The following RAVER1 variants were observed in gnomAD, a reference collection of about 807,000 sequenced individuals.
RAVER1 encodes ribonucleoprotein PTB-binding 1.
RAVER1 carries 36 observed loss-of-function variants against 68.4 expected under a neutral mutation model. The observed-to-expected ratio is 0.53, with a 90% CI of 0.40 to 0.70. The LOEUF (loss-of-function observed/expected upper bound fraction) is 0.70. Ranked by LOEUF, RAVER1 falls within the 30% of genes least tolerant of loss-of-function variation. The pLI is 0.00. For missense variants in RAVER1, 933 were observed against 1,019.8 expected, an observed-to-expected ratio of 0.91 and a Z score of 1.16; for synonymous variants, 469 against 472.7, an observed-to-expected ratio of 0.99 and a Z score of 0.10.
At chr19:10,319,292 C>T in intron 9 of RAVER1, 52 bp from the exon 10 acceptor site, 3 of 1,560,708 alleles carry the variant, frequency 1.9e-6, no homozygotes, top group South Asian at 1.1e-5. Context: ...CCAGCCTCAC[C>T]CCTGGCTGAA....
At position 10,329,208 on chromosome 19, in the gene RAVER1, G is replaced by T; in HGVS notation, c.287-97C>A. The T allele has an allele frequency of 1.3e-6, 1 of 751,792 alleles. No individual in the cohort carries two copies. 46.6% of individuals were successfully genotyped at this position (751,792 alleles called of 1,614,324 possible). The stretch of plus-strand genomic sequence containing the variant: ...AAACCAGGTGGGACCTCCAAATGCT[G>T]GGCATCTCAGGTGCCTGCTGATCTG... On this transcript the variant is annotated intron_variant, in intron 2 of 12. Transcript: ENST00000617231. This position sits in a 1 kb window ranked among gnomAD's most constrained non-coding sequence, Gnocchi z 4.6.
At position 10,316,815 on chromosome 19, in the gene RAVER1, G is replaced by C. The variant is rs2040392628; in HGVS notation, c.*639C>G. 1 of 154,550 alleles carries C rather than the reference G, an allele frequency of 6.5e-6. No homozygotes were observed. Among genetic ancestry groups the C allele is most frequent in the Non-Finnish European group, 1.4e-5 (1 of 69,612 alleles). 9.6% of individuals were successfully genotyped at this position (154,550 alleles called of 1,614,324 possible). A position where few individuals can be genotyped will look rare whatever the true frequency, so the allele number is the denominator to read the frequency against. ...GCCCAGCTTTTAAGGCATCAGAAGG[G>C]GAGGGGGCTGCGGCAGGGACCCCGG... On this transcript the variant is annotated 3_prime_UTR_variant, in exon 13 of 13. Transcript: ENST00000617231.
chr19:10,328,261 G>A lies in RAVER1; in HGVS notation c.756+381C>T, dbSNP rs2040488938. 6.6e-6 allele frequency among the ~76,000 whole-genome samples: 1 copy of A among 152,170 alleles called. No individual in the cohort carries two copies. The highest frequency in any genetic ancestry group is 2.1e-4 in the South Asian group (1 of 4,830). On this transcript the variant is annotated intron_variant, in intron 3 of 12. Coordinates refer to ENST00000617231, the MANE Select transcript of RAVER1 (RefSeq NM_133452.3). The surrounding 1 kb of genome is among the most constrained non-coding windows in gnomAD (Gnocchi z 4.4). ...TAGAGGGACAGTGAGGCCTGAGGCT[G>A]CAGAGGGATTCAAATCCCCTGGCCA...
chr19:10,327,106 A>G (rs1000737969), intron 3 of RAVER1, among the ~76,000 whole-genome samples: 1 of 151,794 alleles, frequency 6.6e-6, no homozygotes, highest in African/African-American at 2.4e-5. Flanking sequence ...GTGTCCCACT[A>G]TCTTGCCCAG....
chr19:10,328,609 C>A lies in RAVER1; in HGVS notation c.756+33G>T, dbSNP rs1029499926. 3 of 1,451,960 alleles carry A rather than the reference C, an allele frequency of 2.1e-6. No homozygotes were observed. Among genetic ancestry groups the A allele is most frequent in the African/African-American group, 2.8e-5 (2 of 70,978 alleles). 89.9% of individuals were successfully genotyped at this position (1,451,960 alleles called of 1,614,324 possible). A position where few individuals can be genotyped will look rare whatever the true frequency, so the allele number is the denominator to read the frequency against. On this transcript the variant is annotated intron_variant, in intron 3 of 12. Transcript: ENST00000617231. The surrounding 1 kb of genome is among the most constrained non-coding windows in gnomAD (Gnocchi z 4.4). ...ACTCTCTCAGGTGCTCCGGGCCTGG[C>A]ACCTGCTCCCCAATGCTCTCCACAG...
rs754064857 is a variant in RAVER1, at chr19:10,321,569, G to A, written c.1223C>T (p.Ala408Val). 7.3e-7 allele frequency: 1 copy of A among 1,378,180 alleles called. No homozygotes were observed. 85.4% of individuals were successfully genotyped at this position (1,378,180 alleles called of 1,614,324 possible). A position where few individuals can be genotyped will look rare whatever the true frequency, so the allele number is the denominator to read the frequency against. The change falls in exon 7 of 13, where the codon GCC becomes GTC. Residue 408 changes from alanine (A) to valine (V), a missense_variant. Physicochemically the swap from Ala to Val is moderately conservative, Grantham distance 64. This residue lies in a region of RAVER1 where 699 missense variants were observed against 731.1 expected (regional missense o/e 0.96). Coordinates refer to ENST00000617231, the MANE Select transcript of RAVER1 (RefSeq NM_133452.3). ...CCCGAGGAGGGGGTTGGCTGGCTGGGCCCCAGGCTGGAGGGCGCCCAGGGG... is the reference window on the plus strand; with the variant it reads ...CCCGAGGAGGGGGTTGGCTGGCTGGACCCCAGGCTGGAGGGCGCCCAGGGG... ...DSPLGALQPG[A>V]QPANPLLGEL...
At chr19:10,326,486 C>T (rs2040475341) in intron 3 of RAVER1, among the ~76,000 whole-genome samples, 1 of 152,228 alleles carries the variant, frequency 6.6e-6, no homozygotes, top group South Asian at 2.1e-4. Flanking sequence ...GCTCTGTCGC[C>T]CAGGCTGGAG....
rs1036462850 is a variant in RAVER1, at chr19:10,322,422, G to A, written c.1173+223C>T. On this transcript the variant is annotated intron_variant, in intron 6 of 12. Coordinates refer to ENST00000617231, the MANE Select transcript of RAVER1 (RefSeq NM_133452.3). The surrounding 1 kb of genome is among the most constrained non-coding windows in gnomAD (Gnocchi z 4.3). ...CACCCCAGGCACCAAGTCCAGGGGC[G>A]CTCTCAGAATGGAGGGAAAGATGGC... is the stretch of plus-strand genomic sequence containing the variant. 1.1e-4 allele frequency: 54 copies of A among 502,858 alleles called. No homozygotes were observed. In the Admixed American group the frequency reaches 1.1e-3, roughly 10 times the overall value. The allele number at this position is 502,858 out of a possible 1,614,324, so 31.1% of individuals were successfully genotyped here.
chr19:10,328,622 A>G lies in RAVER1; in HGVS notation c.756+20T>C, dbSNP rs78083518. The G allele has an allele frequency of 0.038, 57,748 of 1,517,360 alleles. 1,245 individuals are homozygous for G. The highest frequency in any genetic ancestry group is 0.061 in the East Asian group (2,481 of 40,648). 94.0% of individuals were successfully genotyped at this position (1,517,360 alleles called of 1,614,324 possible). ...CTCCGGGCCTGGCACCTGCTCCCCA[A>G]TGCTCTCCACAGGGCTCACCTGGCA... On this transcript the variant is annotated intron_variant, in intron 3 of 12. Coordinates refer to ENST00000617231, the MANE Select transcript of RAVER1 (RefSeq NM_133452.3). This position sits in a 1 kb window ranked among gnomAD's most constrained non-coding sequence, Gnocchi z 4.4.
rs1478862085 is a variant in RAVER1 at position 10,322,539 on chromosome 19, C to T, written c.1173+106G>A. 4 of 819,034 alleles carry T rather than the reference C, an allele frequency of 4.9e-6. No homozygotes were observed. The highest frequency in any genetic ancestry group is 1.9e-5 in the African/African-American group (1 of 53,942). The allele number at this position is 819,034 out of a possible 1,614,324, so 50.7% of individuals were successfully genotyped here. On this transcript the variant is annotated intron_variant, in intron 6 of 12. Transcript: ENST00000617231. This position sits in a 1 kb window ranked among gnomAD's most constrained non-coding sequence, Gnocchi z 4.3. ...GTCGCCCTCACCCTGGTTCTGCGCC[C>T]CCAGGGCACAGCCAGAGGTCCCCCC...
At position 10,317,905 on chromosome 19, in the gene RAVER1, C is replaced by T; in HGVS notation, c.1990-132G>A. On this transcript the variant is annotated intron_variant, in intron 11 of 12. Coordinates refer to ENST00000617231, the MANE Select transcript of RAVER1 (RefSeq NM_133452.3). This position sits in a 1 kb window ranked among gnomAD's most constrained non-coding sequence, Gnocchi z 4.3. ...TCAGGTTCAAATCTTGCTTCTGCTA[C>T]TTTCTAGCTATAAGACCTAGGGCCA... The T allele has an allele frequency of 1.5e-6, 1 of 662,180 alleles. No homozygotes were observed. The highest frequency in any genetic ancestry group is 2.7e-6 in the Non-Finnish European group (1 of 370,870). 41.0% of individuals were successfully genotyped at this position (662,180 alleles called of 1,614,324 possible).
In RAVER1 at chr19:10,333,477, G is replaced by A. The variant is rs1239389378; in HGVS notation, c.31C>T (p.Pro11Ser). 1.9e-6 allele frequency: 3 copies of A among 1,609,640 alleles called. No individual in the cohort carries two copies. The highest frequency in any genetic ancestry group is 8.5e-7 in the Non-Finnish European group (1 of 1,179,054). MAADVSVTHRPPLSPKSGAEV... is the reference protein window; with the variant it reads MAADVSVTHRSPLSPKSGAEV... ...GCCCCAGACTTAGGGCTCAGCGGGGGCCGGTGAGTAACGGACACGTCCGCC... is the reference window on the plus strand; with the variant it reads ...GCCCCAGACTTAGGGCTCAGCGGGGACCGGTGAGTAACGGACACGTCCGCC... The change falls in exon 1 of 13, where the codon CCC becomes TCC. Residue 11 changes from proline (P) to serine (S), a missense_variant. By Grantham distance (74) the Pro-to-Ser change is moderately conservative. Coordinates refer to ENST00000617231, the MANE Select transcript of RAVER1 (RefSeq NM_133452.3). This position sits in a 1 kb window ranked among gnomAD's most constrained non-coding sequence, Gnocchi z 4.2.
intron 3 of RAVER1, among the ~76,000 whole-genome samples, chr19:10,324,188 G>C (rs78439352): frequency 6.6e-6 from 1 of 151,720 alleles, no homozygotes; most frequent in Admixed American, 6.6e-5. Context: ...AATCAGCAAC[G>C]GGTGGGGAAG....
rs1029888679 is a variant in RAVER1 at position 10,321,048 on chromosome 19, C to T, written c.1473G>A (p.Gly491=). ...TGCCGCGCGCAGGGCAGGGCCTTAC[C>T]CCAGGGGGCGTCGGCAGAGGCCCAC... ...KDSGPLPTPP[G]VSLLGEPPKD... is the part of the protein sequence containing the mutation. Residue 491 remains glycine (G), a splice_region_variant and synonymous_variant, in exon 8 of 13, where the codon GGG becomes GGA. Coordinates refer to ENST00000617231, the MANE Select transcript of RAVER1 (RefSeq NM_133452.3). 7.1e-7 allele frequency: 1 copy of T among 1,399,340 alleles called. No individual in the cohort carries two copies. 86.7% of individuals were successfully genotyped at this position (1,399,340 alleles called of 1,614,324 possible).
rs2040440024 is a variant in RAVER1 at position 10,321,843 on chromosome 19, A to G, written c.1174-225T>C. The G allele has an allele frequency of 1.9e-5, 7 of 363,146 alleles. No homozygotes were observed. The East Asian group carries it at 2.8e-4, about 15-fold the overall frequency. 22.5% of individuals were successfully genotyped at this position (363,146 alleles called of 1,614,324 possible). A position where few individuals can be genotyped will look rare whatever the true frequency, so the allele number is the denominator to read the frequency against. The stretch of plus-strand genomic sequence containing the variant: ...AGCTCCAGGCCCCAGTTCCCTGGCC[A>G]ATGATTGCAGCACAGTATCAACTGC... On this transcript the variant is annotated intron_variant, in intron 6 of 12. Transcript: ENST00000617231.
Position 10,328,907 on chromosome 19 carries a change from A to T in RAVER1, c.491T>A (p.Val164Asp). 1 of 1,612,898 alleles carries T rather than the reference A, an allele frequency of 6.2e-7. No individual in the cohort carries two copies. ...GGATTGGCCAGTGCGCTCACTGTAGACCAGGAAGCAGCGCTCCAGGCTGCC... is the reference window on the plus strand; with the variant it reads ...GGATTGGCCAGTGCGCTCACTGTAGTCCAGGAAGCAGCGCTCCAGGCTGCC... ...PFGSLERCFLVYSERTGQSKG... is the reference protein window; with the variant it reads ...PFGSLERCFLDYSERTGQSKG... The change falls in exon 3 of 13, where the codon GTC becomes GAC. Residue 164 changes from valine (V) to aspartate (D), a missense_variant. Around this residue, in one of 3 missense-constraint regions of RAVER1, gnomAD observed 211 missense variants for 230.0 expected, o/e 0.92. Coordinates refer to ENST00000617231, the MANE Select transcript of RAVER1 (RefSeq NM_133452.3). This position sits in a 1 kb window ranked among gnomAD's most constrained non-coding sequence, Gnocchi z 4.4.
intron 1 of RAVER1, among the ~76,000 whole-genome samples, chr19:10,332,951 G>C (rs1005096418): frequency 1.3e-5 from 2 of 152,116 alleles, no homozygotes; most frequent in Non-Finnish European, 2.9e-5. Flanking sequence ...ATCCAAGCAG[G>C]GGGCAACTGG....
intron 9 of RAVER1, 127 bp downstream of exon 9, chr19:10,320,528 G>T: frequency 6.1e-5 from 39 of 638,578 alleles, no homozygotes; most frequent in Middle Eastern, 4.3e-4. Context: ...AAAAAAAGCA[G>T]AGACCATATC....
chr19:10,328,891 A>G lies in RAVER1; in HGVS notation c.507T>C (p.Thr169=). 2 of 1,613,404 alleles carry G rather than the reference A, an allele frequency of 1.2e-6. No homozygotes were observed. Among genetic ancestry groups the G allele is most frequent in the Non-Finnish European group, 1.7e-6 (2 of 1,179,838 alleles). ...CAAAGCCATAGCCCTTGGATTGGCC[A>G]GTGCGCTCACTGTAGACCAGGAAGC... The part of the protein sequence containing the change: ...ERCFLVYSER[T]GQSKGYGFAE... Residue 169 remains threonine, a synonymous_variant, in exon 3 of 13, where the codon ACT becomes ACC. Transcript: ENST00000617231. This position sits in a 1 kb window ranked among gnomAD's most constrained non-coding sequence, Gnocchi z 4.4.
Sources: allele counts gnomAD v4.1 joint callset (sites outside exome capture counted in the v4.1 genomes callset), GRCh38; gene constraint gnomAD v4.1.1; regional missense constraint gnomAD v4.1.1; non-coding constraint Gnocchi (gnomAD v3.1); transcripts MANE v1.5; gene names NCBI Gene and HGNC (gene_info 2026-07-23, HGNC 2026-07-21).